Variants in SLC24A3 observed in about 807,000 individuals in gnomAD.
SLC24A3 encodes sodium/potassium/calcium exchanger 3.
In SLC24A3, 28 loss-of-function variants were observed where a neutral mutation model predicts 75.8. That is an observed-to-expected ratio of 0.37 (90% CI 0.27 to 0.51). The LOEUF is 0.51. Among genes scored for constraint, SLC24A3 ranks in the 20% least tolerant of loss-of-function variants. The pLI is 0.94. For synonymous variants in SLC24A3, 372 were observed against 334.1 expected, an observed-to-expected ratio of 1.11 and a Z score of -1.24; for missense variants, 663 against 847.8, an observed-to-expected ratio of 0.78 and a Z score of 2.71.
intron 2 of SLC24A3, among the ~76,000 whole-genome samples, chr20:19,395,206 C>A (rs919197062): frequency 6.6e-6 from 1 of 152,048 alleles, no homozygotes; most frequent in East Asian, 1.9e-4. Flanking sequence ...GGGGAGCTAC[C>A]GTGTAATGGT....
At chr20:19,473,509 C>G (rs369511562) in intron 2 of SLC24A3, among the ~76,000 whole-genome samples, 4 of 152,228 alleles carry the variant, frequency 2.6e-5, no homozygotes, top group Non-Finnish European at 5.9e-5. Flanking sequence ...ACGTTAAGCC[C>G]TTTCTGTAGC....
chr20:19,508,819 C>T (rs1198709982), intron 2 of SLC24A3, among the ~76,000 whole-genome samples: 9 of 152,272 alleles, frequency 5.9e-5, no homozygotes, highest in Admixed American at 5.2e-4. Context: ...GCTCCGTTCT[C>T]CCTGCATAGG....
At position 19,443,163 on chromosome 20, in the gene SLC24A3, G is replaced by A. The variant is rs1987324111; in HGVS notation, c.272-72325G>A. Among the ~76,000 whole-genome samples the A allele has an allele frequency of 2.6e-5, 4 of 151,984 alleles. 1 individual carries two copies. In the South Asian group the frequency reaches 8.3e-4, roughly 31 times the overall value. Reference sequence around the variant, plus strand: ...CTCCAATAGTGTGTTGGCTCTTCTGGGTCTTTTGCCTTACTGTATAAACTC... The same window carrying A: ...CTCCAATAGTGTGTTGGCTCTTCTGAGTCTTTTGCCTTACTGTATAAACTC... On this transcript the variant is annotated intron_variant, in intron 2 of 16. Transcript: ENST00000328041.
intron 2 of SLC24A3, chr20:19,284,283 T>C (rs1443998884): frequency 6.5e-6 from 1 of 152,714 alleles, no homozygotes; most frequent in Non-Finnish European, 1.5e-5. Context: ...TCTAACTTGT[T>C]GTTGGGTGAA....
intron 2 of SLC24A3, among the ~76,000 whole-genome samples, chr20:19,282,019 G>A (rs374219337): frequency 2.6e-5 from 4 of 152,070 alleles, no homozygotes; most frequent in South Asian, 2.1e-4. Context: ...CCACTGTCAA[G>A]GGCCCAGGAG....
intron 3 of SLC24A3, among the ~76,000 whole-genome samples, chr20:19,535,791 G>A (rs753189077): frequency 4.6e-5 from 7 of 152,208 alleles, no homozygotes; most frequent in Middle Eastern, 3.4e-3. Flanking sequence ...ATTTTGTGAT[G>A]CTATAACATA....
intron 2 of SLC24A3, among the ~76,000 whole-genome samples, chr20:19,495,886 G>A (rs6046140): frequency 0.27 from 41,328 of 152,044 alleles, 5,887 homozygotes; most frequent in East Asian, 0.5. Flanking sequence ...CTGAGTCTGC[G>A]CCTGCTTCCA....
At chr20:19,492,281 A>G (rs1159899438) in intron 2 of SLC24A3, among the ~76,000 whole-genome samples, 1 of 152,256 alleles carries the variant, frequency 6.6e-6, no homozygotes, top group African/African-American at 2.4e-5. Context: ...CTGGAGTCCA[A>G]GAAAACAGGG....
At chr20:19,407,347 G>A (rs1157299492) in intron 2 of SLC24A3, among the ~76,000 whole-genome samples, 4 of 152,144 alleles carry the variant, frequency 2.6e-5, no homozygotes, top group East Asian at 1.9e-4. Context: ...TCTGTGTCCC[G>A]GTGCTGTGTC....
At chr20:19,446,525 G>A (rs1600232907) in intron 2 of SLC24A3, among the ~76,000 whole-genome samples, 1 of 152,344 alleles carries the variant, frequency 6.6e-6, no homozygotes, top group South Asian at 2.1e-4. Flanking sequence ...AAATTGTTCT[G>A]TAAAGGATGG....
chr20:19,689,166 T>A (rs960235543), intron 12 of SLC24A3, among the ~76,000 whole-genome samples: 4 of 152,258 alleles, frequency 2.6e-5, no homozygotes, highest in East Asian at 1.9e-4. Flanking sequence ...TATAAGTAGG[T>A]TTTTCCAAAG....
intron 15 of SLC24A3, among the ~76,000 whole-genome samples, chr20:19,714,422 A>G (rs868256715): frequency 0.01 from 1,457 of 138,984 alleles, 29 homozygotes; most frequent in African/African-American, 0.037. Context: ...AAAAAAAAAA[A>G]AAAACAACAA....
At chr20:19,526,101 A>C (rs879503494) in intron 3 of SLC24A3, among the ~76,000 whole-genome samples, 17 of 152,264 alleles carry the variant, frequency 1.1e-4, no homozygotes, top group Admixed American at 1.0e-3. Flanking sequence ...AGTCTCCCCG[A>C]TAGCTCTTCT....
intron 1 of SLC24A3, among the ~76,000 whole-genome samples, chr20:19,275,508 G>A (rs1983457166): frequency 6.6e-6 from 1 of 152,190 alleles, no homozygotes; most frequent in Non-Finnish European, 1.5e-5. Context: ...TGCAAGCCCT[G>A]TGGGACAAGG....
rs529651634 is a variant in SLC24A3 at position 19,687,830 on chromosome 20, C to G, written c.1324+2469C>G. Among the ~76,000 whole-genome samples the G allele has an allele frequency of 9.6e-4, 146 of 152,214 alleles. 1 individual carries two copies. Among genetic ancestry groups the G allele is most frequent in the Non-Finnish European group, 1.3e-3 (88 of 68,018 alleles). On this transcript the variant is annotated intron_variant, in intron 12 of 16. Coordinates refer to ENST00000328041, the MANE Select transcript of SLC24A3 (RefSeq NM_020689.4). The stretch of plus-strand genomic sequence containing the variant: ...TTTCAAGGTCTTTGAAACTCGTGCT[C>G]GCCACCCTCTGTCTCACTGTGATTA...
chr20:19,380,858 T>C (rs1986168262), intron 2 of SLC24A3, among the ~76,000 whole-genome samples: 1 of 152,220 alleles, frequency 6.6e-6, no homozygotes, highest in Non-Finnish European at 1.5e-5. Context: ...TAGTTTATCC[T>C]TTGACATCCA....
chr20:19,549,416 T>C (rs1483099150), intron 3 of SLC24A3, among the ~76,000 whole-genome samples: 1 of 152,232 alleles, frequency 6.6e-6, no homozygotes, highest in East Asian at 1.9e-4. Context: ...TAAAGACAGA[T>C]CATTTTTTAA....
At chr20:19,388,547 T>A (rs536256699) in intron 2 of SLC24A3, among the ~76,000 whole-genome samples, 224 of 152,232 alleles carry the variant, frequency 1.5e-3, no homozygotes, top group Non-Finnish European at 2.0e-3. Context: ...CCATCTCTAC[T>A]AGAAATACAA....
At chr20:19,461,873 C>G (rs1377879733) in intron 2 of SLC24A3, among the ~76,000 whole-genome samples, 1 of 152,110 alleles carries the variant, frequency 6.6e-6, no homozygotes, top group Non-Finnish European at 1.5e-5. Context: ...TGCCTACAAG[C>G]AATCTTAAGG....
Sources: allele counts gnomAD v4.1 joint callset (sites outside exome capture counted in the v4.1 genomes callset), GRCh38; gene constraint gnomAD v4.1.1; transcripts MANE v1.5; gene names NCBI Gene and HGNC (gene_info 2026-07-23, HGNC 2026-07-21).